Variants in SEL1L3 observed in about 807,000 individuals in gnomAD.
SEL1L3 encodes the protein protein sel-1 homolog 3.
In SEL1L3, 76 loss-of-function variants were observed where a neutral mutation model predicts 142.8. The observed-to-expected ratio is 0.53, with a 90% CI of 0.44 to 0.64. SEL1L3 has a LOEUF of 0.64. Ranked by LOEUF, SEL1L3 falls within the 30% of genes least tolerant of loss-of-function variation. The pLI, the probability that SEL1L3 is intolerant of heterozygous loss-of-function variation, is 0.00. For missense variants in SEL1L3, 1,262 were observed against 1,381.7 expected, an observed-to-expected ratio of 0.91 and a Z score of 1.37; for synonymous variants, 504 against 519.6, an observed-to-expected ratio of 0.97 and a Z score of 0.41.
downstream of SEL1L3, among the ~76,000 whole-genome samples, chr4:25,742,603 A>G (rs1440143258): frequency 6.6e-6 from 1 of 152,224 alleles, no homozygotes; most frequent in Non-Finnish European, 1.5e-5. Flanking sequence ...GCCAAGGAGT[A>G]GACTTTTTAA....
chr4:25,732,666 C>T, the SEL1L3 span, among the ~76,000 whole-genome samples: 3 of 151,932 alleles, frequency 2.0e-5, no homozygotes, highest in Non-Finnish European at 2.9e-5. Flanking sequence ...TGCCTCCCGC[C>T]CCACCACATT....
At chr4:25,775,926 A>T (rs1719583651) in intron 17 of SEL1L3, among the ~76,000 whole-genome samples, 1 of 152,178 alleles carries the variant, frequency 6.6e-6, no homozygotes, top group Non-Finnish European at 1.5e-5. Context: ...GTGGCCTGGA[A>T]ATAAAAAGCA....
At chr4:25,756,923 T>C in intron 23 of SEL1L3, 1 of 1,276,888 alleles carries the variant, frequency 7.8e-7, no homozygotes. Context: ...CAGATAAATT[T>C]TCAATGGAAG....
At position 25,842,137 on chromosome 4, in the gene SEL1L3, A is replaced by G. The variant is rs970487272; in HGVS notation, c.733+5157T>C. On this transcript the variant is annotated intron_variant, in intron 2 of 23. Coordinates refer to ENST00000399878, the MANE Select transcript of SEL1L3 (RefSeq NM_015187.5). ...AGAAATTGATACATAGTAGGTGCTC[A>G]GTCAATCTTTGTTTAATTGAATGAA... 5.3e-5 allele frequency among the ~76,000 whole-genome samples: 8 copies of G among 152,080 alleles called. No individual in the cohort carries two copies. The East Asian group carries it at 5.8e-4, about 11-fold the overall frequency.
chr4:25,821,941 A>G, intron 7 of SEL1L3, 55 bp downstream of exon 7: 1 of 1,573,764 alleles, frequency 6.4e-7, no homozygotes, highest in Non-Finnish European at 8.6e-7. Context: ...CACACCCCTG[A>G]GGCCCACACC....
intron 9 of SEL1L3, among the ~76,000 whole-genome samples, chr4:25,814,972 A>G (rs1357945004): frequency 6.6e-6 from 1 of 152,098 alleles, no homozygotes; most frequent in East Asian, 1.9e-4. Context: ...AGTCCTTCCA[A>G]TGTGACCTAG....
chr4:25,788,400 C>A lies in SEL1L3; in HGVS notation c.2077-36G>T, dbSNP rs757910507. On this transcript the variant is annotated intron_variant, in intron 12 of 23. Transcript: ENST00000399878. The surrounding 1 kb of genome is among the most constrained non-coding windows in gnomAD (Gnocchi z 5.3). ...ATAGCAATTTAGAACAATGACTTTT[C>A]CTGTATAATGCTTAACACAAGATTT... is the stretch of plus-strand genomic sequence containing the variant. 2.4e-5 allele frequency: 38 copies of A among 1,609,334 alleles called. 1 individual carries two copies. In the South Asian group the frequency reaches 4.1e-4, roughly 17 times the overall value.
chr4:25,779,246 C>G, intron 15 of SEL1L3, 43 bp from the exon 16 acceptor site: 1 of 1,606,542 alleles, frequency 6.2e-7, no homozygotes, highest in Non-Finnish European at 8.5e-7. Flanking sequence ...CCTAGCTGGG[C>G]TGGTTTCGCC....
the SEL1L3 span, chr4:25,718,994 T>A: frequency 6.6e-6 from 1 of 151,992 alleles, no homozygotes; most frequent in Non-Finnish European, 1.5e-5. Context: ...CTGACCAACA[T>A]GAAGAAACCC....
At chr4:25,818,031 G>A in intron 9 of SEL1L3, 107 bp downstream of exon 9, 1 of 1,192,488 alleles carries the variant, frequency 8.4e-7, no homozygotes, top group Non-Finnish European at 1.2e-6. Context: ...AAACACTAGG[G>A]TTAAAAATAA....
intron 20 of SEL1L3, among the ~76,000 whole-genome samples, chr4:25,760,853 A>C (rs1463099401): frequency 6.6e-6 from 1 of 152,190 alleles, no homozygotes; most frequent in Non-Finnish European, 1.5e-5. Context: ...TTTAATCCTC[A>C]TAACAACAAA....
intron 15 of SEL1L3, 56 bp downstream of exon 15, chr4:25,782,186 A>G: frequency 6.6e-7 from 1 of 1,517,954 alleles, no homozygotes; most frequent in Non-Finnish European, 9.1e-7. Flanking sequence ...CCTTCAACAA[A>G]TGCTTCATGA....
chr4:25,840,557 C>T (rs760577807), intron 2 of SEL1L3, among the ~76,000 whole-genome samples: 1 of 152,072 alleles, frequency 6.6e-6, no homozygotes, highest in Non-Finnish European at 1.5e-5. Context: ...AAGAAAACTG[C>T]CATGTTGCCC....
chr4:25,779,945 T>C (rs993586826), intron 15 of SEL1L3, among the ~76,000 whole-genome samples: 5 of 152,198 alleles, frequency 3.3e-5, no homozygotes, highest in Non-Finnish European at 5.9e-5. Flanking sequence ...TGCCTTCAGA[T>C]AGCACCTAGA....
the SEL1L3 span, among the ~76,000 whole-genome samples, chr4:25,723,145 C>T: frequency 3.3e-5 from 5 of 152,334 alleles, no homozygotes; most frequent in Middle Eastern, 6.8e-3. Context: ...TGGTGATGTT[C>T]TGCTCATTTT....
intron 1 of SEL1L3, among the ~76,000 whole-genome samples, chr4:25,861,113 C>G (rs1028884682): frequency 2.0e-5 from 3 of 152,182 alleles, no homozygotes; most frequent in African/African-American, 7.2e-5. Context: ...ATGTTTCACG[C>G]AACACTCTAC....
the SEL1L3 span, among the ~76,000 whole-genome samples, chr4:25,724,736 C>CAAAAAAAAAAAAAA: frequency 3.3e-4 from 2 of 5,992 alleles, no homozygotes; most frequent in Non-Finnish European, 5.4e-4. Context: ...GACTCCAACT[C>CAAAAAAAAAAAAAA]AAAAAAAAAA....
Position 25,847,397 on chromosome 4 carries a change from A to G in SEL1L3, c.630T>C (p.Pro210=), listed in dbSNP as rs1394238104. 6.2e-7 allele frequency: 1 copy of G among 1,614,010 alleles called. No homozygotes were observed. The highest frequency in any genetic ancestry group is 8.5e-7 in the Non-Finnish European group (1 of 1,179,886). ...KNYTLLQTIP[P]FERPFKDHQV... Reference sequence around the variant, plus strand: ...GATGATCTTTGAAAGGGCGTTCAAAAGGCGGGATGGTCTGCAGGAGGGTAT... The same window carrying G: ...GATGATCTTTGAAAGGGCGTTCAAAGGGCGGGATGGTCTGCAGGAGGGTAT... The change falls in exon 2 of 24, where the codon CCT becomes CCC. Residue 210 remains proline (P), a synonymous_variant. Coordinates refer to ENST00000399878, the MANE Select transcript of SEL1L3 (RefSeq NM_015187.5).
intron 7 of SEL1L3, 74 bp downstream of exon 7, chr4:25,821,922 A>G: frequency 6.8e-7 from 1 of 1,476,226 alleles, no homozygotes; most frequent in East Asian, 2.4e-5. Context: ...TTTTATTTAC[A>G]CTGGGTGGCA....
Sources: gnomAD v4.1 joint callset for allele counts (sites outside exome capture counted in the v4.1 genomes callset) on GRCh38, gnomAD v4.1.1 for gene constraint, Gnocchi (gnomAD v3.1) non-coding constraint, MANE v1.5 for transcripts, NCBI Gene and HGNC (gene_info 2026-07-23, HGNC 2026-07-21) for gene names.